Variants in TMEM14B observed in about 807,000 individuals in gnomAD.
TMEM14B encodes the protein transmembrane protein 14B.
A neutral mutation model predicts 14.8 loss-of-function variants in TMEM14B; 9 were observed. The observed-to-expected ratio is 0.61, with a 90% CI of 0.37 to 1.06. The LOEUF (loss-of-function observed/expected upper bound fraction) is 1.06. Ranked by LOEUF, TMEM14B falls within the 50% of genes least tolerant of loss-of-function variation. The pLI is 0.01. For missense variants in TMEM14B, 128 were observed against 143.6 expected (o/e 0.89, Z 0.56); for synonymous variants, 40 against 51.3 (o/e 0.78, Z 0.94).
intron 2 of TMEM14B, 72 bp from the exon 3 acceptor site, chr6:10,749,550 C>T: frequency 6.5e-7 from 1 of 1,545,698 alleles, no homozygotes; most frequent in Non-Finnish European, 8.9e-7. Context: ...TTAGCCCCAT[C>T]CTATGACAAT....
At chr6:10,754,756 T>A (rs1472997971) in intron 4 of TMEM14B, among the ~76,000 whole-genome samples, 1 of 152,216 alleles carries the variant, frequency 6.6e-6, no homozygotes, top group African/African-American at 2.4e-5. Flanking sequence ...ATGTAGTAGG[T>A]GCTTTGACAG....
chr6:10,748,764 A>C (rs1412519057), intron 1 of TMEM14B, among the ~76,000 whole-genome samples: 1 of 152,208 alleles, frequency 6.6e-6, no homozygotes, highest in Non-Finnish European at 1.5e-5. Flanking sequence ...TCTAAAAAAA[A>C]AAATTGAGTA....
chr6:10,758,921 TTTTTTTTTTTTTTTG>T, downstream of TMEM14B: 1 of 162,932 alleles, frequency 6.1e-6, no homozygotes, highest in South Asian at 1.0e-4. Flanking sequence ...TTTTTTTTTT[TTTTTTTTTTTTTTTG>T]AGATGGAGTA....
intron 2 of TMEM14B, 43 bp from the exon 3 acceptor site, chr6:10,749,579 C>G: frequency 1.2e-6 from 2 of 1,607,308 alleles, no homozygotes; most frequent in Non-Finnish European, 1.7e-6. Context: ...TTTTTAAATC[C>G]AGGTTAGCAC....
Position 10,749,322 on chromosome 6 carries a change from T to G in TMEM14B, c.23+54T>G. The stretch of plus-strand genomic sequence containing the variant: ...AGCCAGGAGCTTCTGGAAACCAGAG[T>G]TCCTTTCCTCAGCTGAAAAGAACCC... On this transcript the variant is annotated intron_variant, in intron 2 of 5. Transcript: ENST00000379542. 7 of 1,604,022 alleles carry G rather than the reference T, an allele frequency of 4.4e-6. No individual in the cohort carries two copies. In the South Asian group the frequency reaches 7.7e-5, roughly 18 times the overall value.
At chr6:10,751,092 T>G (rs749850149) in intron 3 of TMEM14B, 41 bp from the exon 4 acceptor site, 4 of 1,610,592 alleles carry the variant, frequency 2.5e-6, no homozygotes, top group Non-Finnish European at 2.5e-6. Flanking sequence ...GTGAAATAAG[T>G]GCCTGACATT....
At chr6:10,757,916 A>G (rs1581617828), downstream of TMEM14B, among the ~76,000 whole-genome samples, 1 of 151,540 alleles carries the variant, frequency 6.6e-6, no homozygotes, top group African/African-American at 2.4e-5. Flanking sequence ...GCTTGAACCC[A>G]GGAGGCTGTG....
chr6:10,749,834 TGTCA>T, intron 3 of TMEM14B, 136 bp downstream of exon 3: 1 of 1,002,814 alleles, frequency 1.0e-6, no homozygotes, highest in East Asian at 2.4e-5. Flanking sequence ...CAGGCTTCCT[TGTCA>T]GTCTTGCAGC....
chr6:10,759,263 A>G (rs1771905343), downstream of TMEM14B: 1 of 152,084 alleles, frequency 6.6e-6, no homozygotes, highest in African/African-American at 2.4e-5. Flanking sequence ...GATGATTACT[A>G]TTTAGTTTAC....
At position 10,751,179 on chromosome 6, in the gene TMEM14B, C is replaced by T. The variant is rs776144975; in HGVS notation, c.147C>T (p.Ala49=). 2.4e-5 allele frequency: 38 copies of T among 1,613,842 alleles called. No homozygotes were observed. Among genetic ancestry groups the T allele is most frequent in the South Asian group, 6.6e-5 (6 of 91,088 alleles). The part of the protein sequence containing the change: ...LAAGLLFGSL[A]GLGAYQLYQD... ...CAGGGCTGCTCTTCGGCAGTCTAGC[C>T]GGCCTGGGTGCTTACCAGCTGTATC... The change falls in exon 4 of 6, where the codon GCC becomes GCT. Residue 49 remains alanine, a synonymous_variant. Coordinates refer to ENST00000379542, the MANE Select transcript of TMEM14B (RefSeq NM_030969.5).
rs565414774 is a variant in TMEM14B, at chr6:10,749,347, C to T, written c.23+79C>T. 93 of 1,564,620 alleles carry T rather than the reference C, an allele frequency of 5.9e-5. No homozygotes were observed. The African/African-American group carries it at 1.2e-3, about 20-fold the overall frequency. ...TTCCTTTCCTCAGCTGAAAAGAACC[C>T]TAAGAGTAGACTGCCTGGGATGGCG... is the stretch of plus-strand genomic sequence containing the variant. On this transcript the variant is annotated intron_variant, in intron 2 of 5. Transcript: ENST00000379542.
chr6:10,754,986 T>C (rs896415059), intron 4 of TMEM14B, among the ~76,000 whole-genome samples, 156 bp from the exon 5 acceptor site: 1 of 152,198 alleles, frequency 6.6e-6, no homozygotes, highest in Non-Finnish European at 1.5e-5. Context: ...TTTGGACCCA[T>C]AGGATGTGGG....
downstream of TMEM14B, chr6:10,759,721 C>G (rs1379476805): frequency 6.6e-6 from 1 of 152,198 alleles, no homozygotes; most frequent in Non-Finnish European, 1.5e-5. Flanking sequence ...GCAGCCACAG[C>G]CAATCAATAA....
chr6:10,749,346 C>G, intron 2 of TMEM14B, 78 bp downstream of exon 2: 2 of 1,554,808 alleles, frequency 1.3e-6, no homozygotes, highest in Non-Finnish European at 1.8e-6. Context: ...TGAAAAGAAC[C>G]CTAAGAGTAG....
At chr6:10,750,431 A>G (rs1052075760) in intron 3 of TMEM14B, among the ~76,000 whole-genome samples, 7 of 85,766 alleles carry the variant, frequency 8.2e-5, no homozygotes, top group Admixed American at 1.6e-4. Context: ...TTTGGTTTAG[A>G]ATGGGGTGGG....
intron 2 of TMEM14B, 103 bp from the exon 3 acceptor site, chr6:10,749,519 C>G: frequency 1.5e-6 from 2 of 1,361,772 alleles, no homozygotes; most frequent in Non-Finnish European, 2.1e-6. Flanking sequence ...GCACATAGGA[C>G]CTGTGGGGAA....
downstream of TMEM14B, among the ~76,000 whole-genome samples, chr6:10,758,616 A>ATAGAAATAAGTG (rs1190136792): frequency 7.9e-5 from 12 of 152,184 alleles, no homozygotes; most frequent in African/African-American, 2.9e-4. Flanking sequence ...CAAAGGCAGT[A>ATAGAAATAAGTG]TAGAAATAAG....
At chr6:10,757,778 G>T (rs191330098), downstream of TMEM14B, among the ~76,000 whole-genome samples, 62 of 152,236 alleles carry the variant, frequency 4.1e-4, no homozygotes, top group African/African-American at 1.3e-3. Context: ...ATCACCTGAG[G>T]TCAGGAGTTT....
In TMEM14B at chr6:10,750,011, T is replaced by C. The variant is rs568369610; in HGVS notation, c.100+313T>C. On this transcript the variant is annotated intron_variant, in intron 3 of 5. Transcript: ENST00000379542. ...GACCCCCAAGTGCCATCTCTGGGCT[T>C]AAGTAGGAGTCAACCTCTGGCCTAC... 17 of 421,706 alleles carry C rather than the reference T, an allele frequency of 4.0e-5. No individual in the cohort carries two copies. The East Asian group carries it at 5.4e-4, about 14-fold the overall frequency. 26.1% of individuals were successfully genotyped at this position (421,706 alleles called of 1,614,324 possible).
Sources: gnomAD v4.1 joint callset for allele counts (sites outside exome capture counted in the v4.1 genomes callset) on GRCh38, gnomAD v4.1.1 for gene constraint, MANE v1.5 for transcripts, NCBI Gene and HGNC (gene_info 2026-07-23, HGNC 2026-07-21) for gene names.